The following CCDC60 variants were observed in gnomAD, a reference collection of about 807,000 sequenced individuals.
CCDC60 encodes coiled-coil domain-containing protein 60.
In CCDC60, 54 loss-of-function variants were observed where a neutral mutation model predicts 63.5. The ratio of observed to expected loss-of-function variants is 0.85; its 90% CI spans 0.68 to 1.07. The LOEUF is 1.07. Among genes scored for constraint, CCDC60 ranks in the 50% least tolerant of loss-of-function variants. CCDC60 has a pLI of 0.00. For synonymous variants in CCDC60, 206 were observed against 238.8 expected, an observed-to-expected ratio of 0.86 and a Z score of 1.27; for missense variants, 651 against 684.3, an observed-to-expected ratio of 0.95 and a Z score of 0.54.
chr12:119,423,794 T>C (rs988321454), intron 1 of CCDC60, among the ~76,000 whole-genome samples: 1 of 152,212 alleles, frequency 6.6e-6, no homozygotes, highest in Non-Finnish European at 1.5e-5. Context: ...TAAATTCCCT[T>C]TGTTGAACTA....
intron 1 of CCDC60, among the ~76,000 whole-genome samples, chr12:119,403,652 G>GA (rs931058261): frequency 3.3e-5 from 5 of 151,756 alleles, no homozygotes; most frequent in Admixed American, 6.6e-5. Context: ...CTGCTGTCAC[G>GA]ATCATGACTG....
intron 11 of CCDC60, 116 bp from the exon 12 acceptor site, chr12:119,528,499 G>A (rs1472714398): frequency 8.3e-7 from 1 of 1,202,046 alleles, no homozygotes; most frequent in Admixed American, 2.3e-5. Context: ...AGCTGACAGG[G>A]TTAAGAAAAG....
intron 5 of CCDC60, among the ~76,000 whole-genome samples, chr12:119,495,093 C>A (rs1951691329): frequency 6.6e-6 from 1 of 152,210 alleles, no homozygotes; most frequent in South Asian, 2.1e-4. Context: ...ATTTAAGCCT[C>A]ATTCCAACTT....
At chr12:119,518,252 A>C (rs1227074746) in intron 8 of CCDC60, among the ~76,000 whole-genome samples, 1 of 152,206 alleles carries the variant, frequency 6.6e-6, no homozygotes, top group South Asian at 2.1e-4. Flanking sequence ...CAGCTCAATG[A>C]GGCTCCTTCC....
At chr12:119,380,478 A>G (rs1955997052) in intron 1 of CCDC60, among the ~76,000 whole-genome samples, 1 of 152,192 alleles carries the variant, frequency 6.6e-6, no homozygotes, top group South Asian at 2.1e-4. Flanking sequence ...ACGTCGTAAT[A>G]TCTCAGAGTT....
intron 2 of CCDC60, among the ~76,000 whole-genome samples, chr12:119,439,568 T>C (rs1474496049): frequency 6.6e-6 from 1 of 152,192 alleles, no homozygotes; most frequent in Non-Finnish European, 1.5e-5. Context: ...AGAGAGCCAA[T>C]GATTTAAAGA....
chr12:119,356,954 T>C (rs1955724881), intron 1 of CCDC60, among the ~76,000 whole-genome samples: 1 of 152,206 alleles, frequency 6.6e-6, no homozygotes, highest in South Asian at 2.1e-4. Context: ...GTACATAGTT[T>C]TATAAGTTTT....
At chr12:119,431,704 A>T (rs1950231823) in intron 2 of CCDC60, among the ~76,000 whole-genome samples, 1 of 152,142 alleles carries the variant, frequency 6.6e-6, no homozygotes, top group East Asian at 1.9e-4. Flanking sequence ...TTTGAGACAG[A>T]GTCTCGCTCT....
At chr12:119,375,572 C>A (rs1032186453) in intron 1 of CCDC60, among the ~76,000 whole-genome samples, 1 of 152,146 alleles carries the variant, frequency 6.6e-6, no homozygotes, top group African/African-American at 2.4e-5. Flanking sequence ...CCCCTCCCCC[C>A]AACTGTCTCT....
intron 9 of CCDC60, among the ~76,000 whole-genome samples, chr12:119,521,227 G>A (rs1183858476): frequency 1.3e-5 from 2 of 152,160 alleles, no homozygotes; most frequent in African/African-American, 4.8e-5. Flanking sequence ...TCTCACAATT[G>A]TAATGTGATA....
At chr12:119,527,960 C>T (rs1307078888) in intron 11 of CCDC60, among the ~76,000 whole-genome samples, 1 of 151,932 alleles carries the variant, frequency 6.6e-6, no homozygotes, top group East Asian at 1.9e-4. Context: ...GCATGATCCA[C>T]TGCGCCCGGC....
chr12:119,427,919 C>T lies in CCDC60; in HGVS notation c.91-764C>T, dbSNP rs536690917. Among the ~76,000 whole-genome samples, 13 of 152,116 alleles carry T rather than the reference C, an allele frequency of 8.5e-5. No homozygotes were observed. The South Asian group carries it at 2.7e-3, about 32-fold the overall frequency. Reference sequence around the variant, plus strand: ...ACTGAAGCAAGAGGATCACTTGGGCCGAGGAGCTCGAGGCTGCAGTGAGCT... The same window carrying T: ...ACTGAAGCAAGAGGATCACTTGGGCTGAGGAGCTCGAGGCTGCAGTGAGCT... On this transcript the variant is annotated intron_variant, in intron 1 of 13. Transcript: ENST00000327554.
At chr12:119,360,513 G>C (rs1366910985) in intron 1 of CCDC60, among the ~76,000 whole-genome samples, 1 of 150,312 alleles carries the variant, frequency 6.7e-6, no homozygotes, top group Non-Finnish European at 1.5e-5. Context: ...CTGCCGGGCG[G>C]AGGGTCTCCT....
chr12:119,509,571 T>TGCCCCACTAATTGCTCTGGTTG (rs1367386116), intron 7 of CCDC60, among the ~76,000 whole-genome samples: 1 of 152,198 alleles, frequency 6.6e-6, no homozygotes, highest in Admixed American at 6.5e-5. Flanking sequence ...CACTCCCTAT[T>TGCCCCACTAATTGCTCTGGTTG]GCCCCACTAA....
Position 119,505,275 on chromosome 12 carries a change from C to T in CCDC60, c.855C>T (p.Thr285=). 1.2e-6 allele frequency: 2 copies of T among 1,610,970 alleles called. No individual in the cohort carries two copies. Among genetic ancestry groups the T allele is most frequent in the Non-Finnish European group, 1.7e-6 (2 of 1,179,566 alleles). The change falls in exon 7 of 14, where the codon ACC becomes ACT. Residue 285 remains threonine (T), a synonymous_variant. Transcript: ENST00000327554. Reference sequence around the variant, plus strand: ...TTGAGGACAATGAGTCATCTTCAACCAAGCCAGATGAAGAACCTCTGTATA... The same window carrying T: ...TTGAGGACAATGAGTCATCTTCAACTAAGCCAGATGAAGAACCTCTGTATA... The part of the protein sequence containing the change: ...KDIEDNESSS[T]KPDEEPLYMN...
At chr12:119,392,019 A>T (rs1054664324) in intron 1 of CCDC60, among the ~76,000 whole-genome samples, 5 of 152,168 alleles carry the variant, frequency 3.3e-5, no homozygotes, top group African/African-American at 1.2e-4. Context: ...AGTATTCAGC[A>T]ATCTGTGATT....
chr12:119,354,949 A>G (rs996253424), intron 1 of CCDC60, among the ~76,000 whole-genome samples: 3 of 152,174 alleles, frequency 2.0e-5, no homozygotes, highest in African/African-American at 7.2e-5. Context: ...ATCATAGAGT[A>G]ACCTTGCAGG....
At position 119,532,182 on chromosome 12, in the gene CCDC60, G is replaced by A. The variant is rs142467873; in HGVS notation, c.1551+1119G>A. Among the ~76,000 whole-genome samples the A allele has an allele frequency of 1.9e-3, 286 of 152,200 alleles. 3 individuals carry two copies. The highest frequency in any genetic ancestry group is 0.014 in the Admixed American group (214 of 15,282). ...GGCTCCTTCAGGAAAGATTCTAGCA[G>A]GTTTGGCCAAAACTAACTCTAGGGC... On this transcript the variant is annotated intron_variant, in intron 13 of 13. Transcript: ENST00000327554.
intron 1 of CCDC60, chr12:119,387,929 G>C (rs1410320308): frequency 1.3e-5 from 2 of 152,158 alleles, no homozygotes; most frequent in Non-Finnish European, 2.9e-5. Flanking sequence ...ATTTCTATAT[G>C]GGAGAGATAA....
Sources: gnomAD v4.1 joint callset for allele counts (sites outside exome capture counted in the v4.1 genomes callset) on GRCh38, gnomAD v4.1.1 for gene constraint, MANE v1.5 for transcripts, NCBI Gene and HGNC (gene_info 2026-07-23, HGNC 2026-07-21) for gene names.